Variants in PCDHGA9 observed in about 807,000 individuals in gnomAD.
PCDHGA9 encodes protocadherin gamma subfamily A, 9.
Under a neutral mutation model 62.5 loss-of-function variants are expected in PCDHGA9, and 37 were observed. The observed-to-expected ratio is 0.59, with a 90% CI of 0.46 to 0.78. The LOEUF (loss-of-function observed/expected upper bound fraction) is 0.78. Ranked by LOEUF, PCDHGA9 falls within the 30% of genes least tolerant of loss-of-function variation. PCDHGA9 has a pLI of 0.00. For missense variants in PCDHGA9, 1,138 were observed against 1,166.2 expected, an observed-to-expected ratio of 0.98 and a Z score of 0.35; for synonymous variants, 459 against 484.6, an observed-to-expected ratio of 0.95 and a Z score of 0.69.
Position 141,507,461 on chromosome 5 carries a change from G to A in PCDHGA9, c.2572+1980G>A, listed in dbSNP as rs145114393. On this transcript the variant is annotated intron_variant, in intron 3 of 3. Coordinates refer to ENST00000573521, the MANE Select transcript of PCDHGA9 (RefSeq NM_018921.3). ...AGCTGACGGAAGGACAGAGAGAGAG[G>A]TGGCAGGGACTGCTGGCCTCCTGAG... Among the ~76,000 whole-genome samples the A allele has an allele frequency of 3.8e-3, 581 of 152,330 alleles. 5 individuals are homozygous for A. Among genetic ancestry groups the A allele is most frequent in the African/African-American group, 0.012 (485 of 41,570 alleles).
rs1435240793 is a variant in PCDHGA9 at position 141,402,906 on chromosome 5, CA to C, written c.-46del. ...GGGTGGAAGAAAGAACCTGATGAAG[CA>C]GCGCGCACAGAGATCCTTTTGAGAA... On this transcript the variant is annotated 5_prime_UTR_variant, in exon 1 of 4. An upstream open reading frame in the 5' UTR loses its in-frame stop. Coordinates refer to ENST00000573521, the MANE Select transcript of PCDHGA9 (RefSeq NM_018921.3). The C allele has an allele frequency of 3.9e-6, 6 of 1,529,062 alleles. No homozygotes were observed. The African/African-American group carries it at 8.3e-5, about 21-fold the overall frequency. 94.7% of individuals were successfully genotyped at this position (1,529,062 alleles called of 1,614,324 possible). A position where few individuals can be genotyped will look rare whatever the true frequency, so the allele number is the denominator to read the frequency against.
chr5:141,415,017 G>A lies in PCDHGA9; in HGVS notation c.2424+9641G>A, dbSNP rs1344566574. ...CCTGGCTGTCCTACCGTCTGCTCAA[G>A]GCCAGCGAGCCGGGACTCTTCGCGG... On this transcript the variant is annotated intron_variant, in intron 1 of 3. Transcript: ENST00000573521. The A allele has an allele frequency of 1.9e-6, 3 of 1,613,574 alleles. No homozygotes were observed. In the Admixed American group the frequency reaches 5.0e-5, roughly 27 times the overall value.
chr5:141,479,000 T>C (rs2099485433), intron 1 of PCDHGA9, among the ~76,000 whole-genome samples: 1 of 152,244 alleles, frequency 6.6e-6, no homozygotes, highest in Non-Finnish European at 1.5e-5. Flanking sequence ...TTAAAACTAA[T>C]AGCTTTTTGA....
At position 141,485,009 on chromosome 5, in the gene PCDHGA9, C is replaced by T. The variant is rs531346426; in HGVS notation, c.2425-9798C>T. The T allele has an allele frequency of 6.4e-5, 40 of 628,334 alleles. No homozygotes were observed. Among genetic ancestry groups the T allele is most frequent in the Admixed American group, 5.3e-4 (18 of 33,986 alleles). The allele number at this position is 628,334 out of a possible 1,614,324, so 38.9% of individuals were successfully genotyped here. On this transcript the variant is annotated intron_variant, in intron 1 of 3. Transcript: ENST00000573521. The surrounding 1 kb of genome is among the most constrained non-coding windows in gnomAD (Gnocchi z 5.7). Reference sequence around the variant, plus strand: ...GGTGGTGAAAGGCAGACAAATCTACCCCGCCACCAGCAAAAACGGCGCGTA... The same window carrying T: ...GGTGGTGAAAGGCAGACAAATCTACTCCGCCACCAGCAAAAACGGCGCGTA...
chr5:141,427,683 G>T, intron 1 of PCDHGA9: 1 of 836,052 alleles, frequency 1.2e-6, no homozygotes, highest in African/African-American at 1.7e-5. Context: ...CCTTCCCGGA[G>T]CCTCCATCCC....
chr5:141,421,420 G>C, intron 1 of PCDHGA9: 1 of 1,614,084 alleles, frequency 6.2e-7, no homozygotes, highest in Non-Finnish European at 8.5e-7. Context: ...GAAGCGCGGA[G>C]TCCGCATCGT....
chr5:141,498,294 G>A (rs2099782964), intron 2 of PCDHGA9, among the ~76,000 whole-genome samples: 1 of 151,910 alleles, frequency 6.6e-6, no homozygotes, highest in African/African-American at 2.4e-5. Flanking sequence ...GATCAAGCCA[G>A]CTCTGGGTCA....
At chr5:141,488,042 G>T (rs2099670966) in intron 1 of PCDHGA9, among the ~76,000 whole-genome samples, 1 of 152,168 alleles carries the variant, frequency 6.6e-6, no homozygotes, top group Non-Finnish European at 1.5e-5. Context: ...TTTCCCAAGG[G>T]ATTGAGGGGA....
intron 1 of PCDHGA9, among the ~76,000 whole-genome samples, chr5:141,437,987 C>T (rs2097922147): frequency 1.3e-5 from 2 of 152,156 alleles, no homozygotes; most frequent in African/African-American, 2.4e-5. Flanking sequence ...GCACCCACCC[C>T]ACCTCAGCCT....
At chr5:141,507,443 G>A (rs2099860678) in intron 3 of PCDHGA9, among the ~76,000 whole-genome samples, 2 of 152,200 alleles carry the variant, frequency 1.3e-5, no homozygotes. Flanking sequence ...TACAGCTGAC[G>A]GAAGGACAGA....
chr5:141,421,040 C>T (rs2096541229), intron 1 of PCDHGA9: 1 of 545,472 alleles, frequency 1.8e-6, no homozygotes, highest in East Asian at 3.1e-5. Context: ...GTCCCTCCCT[C>T]CCCCGCCTCT....
At chr5:141,413,389 T>G in intron 1 of PCDHGA9, 1 of 1,613,986 alleles carries the variant, frequency 6.2e-7, no homozygotes, top group Non-Finnish European at 8.5e-7. Flanking sequence ...CCGCATAGTC[T>G]CCAGAGGTAG....
At chr5:141,460,848 C>A (rs528601988) in intron 1 of PCDHGA9, among the ~76,000 whole-genome samples, 1 of 150,236 alleles carries the variant, frequency 6.7e-6, no homozygotes, top group African/African-American at 2.4e-5. Context: ...GCCTCCAGTT[C>A]GATCCAAGTT....
intron 2 of PCDHGA9, 54 bp downstream of exon 2, chr5:141,494,919 T>A: frequency 6.2e-7 from 1 of 1,613,926 alleles, no homozygotes; most frequent in South Asian, 1.1e-5. Flanking sequence ...TTCTCAGGGA[T>A]GACGTGGGAG....
At chr5:141,425,606 G>A (rs1419859039) in intron 1 of PCDHGA9, among the ~76,000 whole-genome samples, 1 of 152,156 alleles carries the variant, frequency 6.6e-6, no homozygotes, top group Non-Finnish European at 1.5e-5. Context: ...GCCCTATATA[G>A]CTTTCAGTGC....
At chr5:141,471,215 A>G (rs1562030197) in intron 1 of PCDHGA9, 1 of 149,038 alleles carries the variant, frequency 6.7e-6, no homozygotes, top group Non-Finnish European at 1.5e-5. Context: ...ATGCCTGGCA[A>G]TTTTTTTGTA....
At chr5:141,482,999 T>G (rs1031397558) in intron 1 of PCDHGA9, among the ~76,000 whole-genome samples, 3 of 151,950 alleles carry the variant, frequency 2.0e-5, no homozygotes, top group Non-Finnish European at 2.9e-5. Flanking sequence ...GCAGGAGAAT[T>G]GCTTGAACCC....
rs115237553 is a variant in PCDHGA9, at chr5:141,476,478, T to A, written c.2425-18329T>A. 1.3e-4 allele frequency: 203 copies of A among 1,613,844 alleles called. 2 individuals are homozygous for A. The African/African-American group carries it at 2.5e-3, about 20-fold the overall frequency. Reference sequence around the variant, plus strand: ...GAGAACCCGCTGGAGCTGTTCAGCGTGGAAGTGGTGATCCAGGACATCAAC... The same window carrying A: ...GAGAACCCGCTGGAGCTGTTCAGCGAGGAAGTGGTGATCCAGGACATCAAC... On this transcript the variant is annotated intron_variant, in intron 1 of 3. Transcript: ENST00000573521. The surrounding 1 kb of genome is among the most constrained non-coding windows in gnomAD (Gnocchi z 7.6).
intron 1 of PCDHGA9, chr5:141,427,746 T>A: frequency 7.9e-7 from 1 of 1,272,038 alleles, no homozygotes; most frequent in African/African-American, 1.5e-5. Flanking sequence ...AGTCTCCTAC[T>A]CCATCGTTAC....
Sources: allele counts gnomAD v4.1 joint callset (sites outside exome capture counted in the v4.1 genomes callset), GRCh38; gene constraint gnomAD v4.1.1; non-coding constraint Gnocchi (gnomAD v3.1); transcripts MANE v1.5; gene names NCBI Gene and HGNC (gene_info 2026-07-23, HGNC 2026-07-21).